Variants in ETV6 observed in about 807,000 individuals in gnomAD.
ETV6 encodes the protein transcription factor ETV6.
A neutral mutation model predicts 51.1 loss-of-function variants in ETV6; 16 were observed. That is an observed-to-expected ratio of 0.31 (90% confidence interval 0.21 to 0.48). The LOEUF (loss-of-function observed/expected upper bound fraction) is 0.48, where lower values mean the gene tolerates loss of function less well. Among genes scored for constraint, ETV6 ranks in the 20% least tolerant of loss-of-function variants. The pLI is 0.99. For synonymous variants in ETV6, 240 were observed against 224.1 expected, an observed-to-expected ratio of 1.07 and a Z score of -0.64; for missense variants, 458 against 594.8, an observed-to-expected ratio of 0.77 and a Z score of 2.39.
At chr12:11,814,291 C>T (rs1945958799) in intron 2 of ETV6, among the ~76,000 whole-genome samples, 1 of 152,092 alleles carries the variant, frequency 6.6e-6, no homozygotes, top group Non-Finnish European at 1.5e-5. Flanking sequence ...CCATAATTTT[C>T]GAGGGCAGTA....
intron 1 of ETV6, among the ~76,000 whole-genome samples, chr12:11,677,773 C>T (rs935799620): frequency 1.3e-5 from 2 of 152,180 alleles, no homozygotes; most frequent in African/African-American, 4.8e-5. Flanking sequence ...ATTGCTTAAC[C>T]GTAAAATGAG....
At chr12:11,655,316 G>A (rs1863980797) in intron 1 of ETV6, among the ~76,000 whole-genome samples, 1 of 152,248 alleles carries the variant, frequency 6.6e-6, no homozygotes, top group South Asian at 2.1e-4. Context: ...TGTTAGATGT[G>A]TGTTGGGAAC....
intron 4 of ETV6, 127 bp downstream of exon 4, chr12:11,853,688 C>T: frequency 9.4e-7 from 1 of 1,061,630 alleles, no homozygotes; most frequent in Non-Finnish European, 1.4e-6. Flanking sequence ...TTATTGAGTG[C>T]TTACTATGTA....
rs996428255 is a variant in ETV6 at position 11,892,908 on chromosome 12, T to C, written c.*1862T>C. 1.3e-5 allele frequency: 3 copies of C among 232,990 alleles called. No individual in the cohort carries two copies. The highest frequency in any genetic ancestry group is 6.6e-5 in the African/African-American group (3 of 45,334). The allele number at this position is 232,990 out of a possible 1,614,324, so 14.4% of individuals were successfully genotyped here. ...GAGCTGATCAAGGCTCTCTTCAGCC[T>C]TGCTCTGTCCCTGCCTCTTATCAGA... On this transcript the variant is annotated 3_prime_UTR_variant, in exon 8 of 8. Coordinates refer to ENST00000396373, the MANE Select transcript of ETV6 (RefSeq NM_001987.5).
intron 5 of ETV6, among the ~76,000 whole-genome samples, chr12:11,883,733 G>C (rs753768778): frequency 6.6e-6 from 1 of 152,198 alleles, no homozygotes; most frequent in Non-Finnish European, 1.5e-5. Context: ...TGCAAGTGGA[G>C]AAAGTGACTT....
intron 1 of ETV6, among the ~76,000 whole-genome samples, chr12:11,699,264 A>G (rs1305340246): frequency 1.3e-5 from 2 of 152,242 alleles, no homozygotes; most frequent in Admixed American, 6.5e-5. Flanking sequence ...TATTGATAAC[A>G]GTTTTGCTGA....
chr12:11,805,254 T>C (rs1945812322), intron 2 of ETV6, among the ~76,000 whole-genome samples: 2 of 152,150 alleles, frequency 1.3e-5, no homozygotes. Context: ...TGCAGGCAGA[T>C]TGAGTTAAGA....
At chr12:11,761,494 C>T (rs962559014) in intron 2 of ETV6, among the ~76,000 whole-genome samples, 2 of 152,172 alleles carry the variant, frequency 1.3e-5, no homozygotes, top group Non-Finnish European at 2.9e-5. Flanking sequence ...GGTTATTAAA[C>T]AGTAAGAAAG....
rs145658807 is a variant in ETV6 at position 11,840,771 on chromosome 12, A to G, written c.328+1467A>G. 22 of 296,708 alleles carry G rather than the reference A, an allele frequency of 7.4e-5. 1 individual carries two copies. Among genetic ancestry groups the G allele is most frequent in the Middle Eastern group, 1.2e-3 (1 of 834 alleles). 18.4% of individuals were successfully genotyped at this position (296,708 alleles called of 1,614,324 possible). On this transcript the variant is annotated intron_variant, in intron 3 of 7. Transcript: ENST00000396373. ...TGAGTAATTTGGAAGGGACACAAAC[A>G]TACCTGAAACATTTTGTCTCATATC...
intron 1 of ETV6, among the ~76,000 whole-genome samples, chr12:11,680,075 G>A (rs1172160129): frequency 2.0e-5 from 3 of 152,124 alleles, no homozygotes; most frequent in African/African-American, 4.8e-5. Context: ...TAGTTCTCTG[G>A]CTATAAGGGC....
Position 11,839,134 on chromosome 12 carries a change from C to A in ETV6, c.164-6C>A. ...CTTTCTTTCTGCCTCATGCTCTCTC[C>A]AACAGGCTTGCAGCCAATTTACTGG... On this transcript the variant is annotated splice_polypyrimidine_tract_variant and splice_region_variant and intron_variant, in intron 2 of 7. Transcript: ENST00000396373. 1.9e-6 allele frequency: 3 copies of A among 1,613,250 alleles called. No individual in the cohort carries two copies. Among genetic ancestry groups the A allele is most frequent in the Non-Finnish European group, 2.5e-6 (3 of 1,179,410 alleles).
intron 2 of ETV6, among the ~76,000 whole-genome samples, chr12:11,820,386 G>A (rs779250030): frequency 6.6e-6 from 1 of 152,216 alleles, no homozygotes; most frequent in Non-Finnish European, 1.5e-5. Flanking sequence ...TCACATGCTA[G>A]TGAAGAAAAT....
At chr12:11,704,278 A>G (rs1865033490) in intron 1 of ETV6, among the ~76,000 whole-genome samples, 1 of 152,200 alleles carries the variant, frequency 6.6e-6, no homozygotes, top group African/African-American at 2.4e-5. Flanking sequence ...AGTGCTGCAA[A>G]TACCAGAGAG....
intron 1 of ETV6, among the ~76,000 whole-genome samples, chr12:11,667,044 G>C (rs565921879): frequency 1.2e-4 from 19 of 152,346 alleles, no homozygotes; most frequent in African/African-American, 4.6e-4. Context: ...GTCTGTATAT[G>C]AATGTGAAAA....
chr12:11,858,980 T>G (rs1164863145), intron 4 of ETV6, among the ~76,000 whole-genome samples: 2 of 152,034 alleles, frequency 1.3e-5, no homozygotes, highest in South Asian at 2.1e-4. Context: ...GAAGTTTTAT[T>G]TATATGATTG....
chr12:11,760,911 TATAAAA>T (rs1437095542), intron 2 of ETV6, among the ~76,000 whole-genome samples: 1 of 138,238 alleles, frequency 7.2e-6, no homozygotes, highest in African/African-American at 2.5e-5. Flanking sequence ...TGTGTGTGTA[TATAAAA>T]GTATATGTGT....
chr12:11,700,714 T>G (rs61921765), intron 1 of ETV6, among the ~76,000 whole-genome samples: 1,706 of 152,242 alleles, frequency 0.011, 20 homozygotes, highest in Non-Finnish European at 0.016. Flanking sequence ...AAGTGGAGCA[T>G]CATAAAGGTC....
chr12:11,700,183 A>G (rs1014953364), intron 1 of ETV6, among the ~76,000 whole-genome samples: 1 of 152,238 alleles, frequency 6.6e-6, no homozygotes, highest in African/African-American at 2.4e-5. Flanking sequence ...CTTGAGCTAC[A>G]TGGGGGTTAG....
chr12:11,884,243 C>T (rs548576632), intron 5 of ETV6, among the ~76,000 whole-genome samples: 27 of 152,280 alleles, frequency 1.8e-4, no homozygotes, highest in African/African-American at 5.8e-4. Context: ...CTGAGGCCTC[C>T]GGTGGGTCAA....
Sources: gnomAD v4.1 joint callset for allele counts (sites outside exome capture counted in the v4.1 genomes callset) on GRCh38, gnomAD v4.1.1 for gene constraint, MANE v1.5 for transcripts, NCBI Gene and HGNC (gene_info 2026-07-23, HGNC 2026-07-21) for gene names.